The following HACD3 variants were observed in gnomAD, a reference collection of about 807,000 sequenced individuals.
HACD3 encodes very-long-chain (3R)-3-hydroxyacyl-CoA dehydratase 3.
HACD3 carries 30 observed loss-of-function variants against 55.2 expected under a neutral mutation model. The observed-to-expected ratio is 0.54, with a 90% CI of 0.41 to 0.74. The LOEUF (loss-of-function observed/expected upper bound fraction) is 0.74. HACD3 is among the 30% of genes least tolerant of loss of function. HACD3 has a pLI of 0.00. For missense variants in HACD3, 363 were observed against 440.1 expected (o/e 0.82, Z 1.57); for synonymous variants, 141 against 151.7 (o/e 0.93, Z 0.52).
intron 7 of HACD3, chr15:65,565,409 T>A (rs748724503): frequency 6.6e-6 from 1 of 152,280 alleles, no homozygotes; most frequent in South Asian, 2.1e-4. Flanking sequence ...GAGGGCCCCA[T>A]CCCTGCAGCA....
intron 1 of HACD3, among the ~76,000 whole-genome samples, chr15:65,532,527 G>A (rs187293681): frequency 4.6e-5 from 7 of 152,058 alleles, no homozygotes; most frequent in Admixed American, 3.3e-4. Flanking sequence ...GGCTACTCGG[G>A]AGGCTGAGGC....
chr15:65,530,772 C>T (rs1008360926), intron 1 of HACD3, 54 bp downstream of exon 1: 3 of 1,474,272 alleles, frequency 2.0e-6, no homozygotes, highest in African/African-American at 1.4e-5. Context: ...TCCGGGTACC[C>T]GCCAGGACCC....
chr15:65,549,743 G>T (rs559858697), intron 1 of HACD3, among the ~76,000 whole-genome samples: 4 of 152,196 alleles, frequency 2.6e-5, no homozygotes, highest in Non-Finnish European at 1.5e-5. Context: ...CATTCCATCT[G>T]CCTGTCTCCA....
At chr15:65,561,465 C>CA (rs1295006077) in intron 5 of HACD3, among the ~76,000 whole-genome samples, 2,963 of 132,862 alleles carry the variant, frequency 0.022, 114 homozygotes, top group African/African-American at 0.076. Context: ...GACTCTGTCT[C>CA]AAAAAAAAAA....
intron 7 of HACD3, among the ~76,000 whole-genome samples, chr15:65,568,814 A>G (rs978330255): frequency 6.6e-6 from 1 of 152,248 alleles, no homozygotes; most frequent in Non-Finnish European, 1.5e-5. Flanking sequence ...GTATGGTACA[A>G]AGATAGTCAC....
At chr15:65,530,789 C>T (rs527249644) in intron 1 of HACD3, 71 bp downstream of exon 1, 12 of 1,387,372 alleles carry the variant, frequency 8.6e-6, no homozygotes, top group Admixed American at 2.5e-5. Context: ...ACCCCTGCCC[C>T]CTTTGTCCGC....
rs201109258 is a variant in HACD3 at position 65,532,917 on chromosome 15, CAA to C, written c.87+2203_87+2204del. On this transcript the variant is annotated intron_variant, in intron 1 of 10. Transcript: ENST00000261875. The stretch of plus-strand genomic sequence containing the variant: ...TAGAAGGAGGCGTATCATATACAAA[CAA>C]AAAGTTTTGTGTAGGAGTATGTTTA... Among the ~76,000 whole-genome samples the C allele has an allele frequency of 3.1e-3, 468 of 152,256 alleles. 1 individual carries two copies. Among genetic ancestry groups the C allele is most frequent in the African/African-American group, 0.011 (451 of 41,554 alleles).
chr15:65,548,369 C>T (rs1454388414), intron 1 of HACD3, among the ~76,000 whole-genome samples: 2 of 151,856 alleles, frequency 1.3e-5, no homozygotes, highest in Middle Eastern at 3.4e-3. Flanking sequence ...AGATATTAGC[C>T]AGGCATGGTG....
chr15:65,554,197 CA>C (rs1213569007), intron 2 of HACD3, among the ~76,000 whole-genome samples: 2 of 152,126 alleles, frequency 1.3e-5, no homozygotes, highest in African/African-American at 4.8e-5. Flanking sequence ...GATTTAGAGC[CA>C]AAGTAATTGT....
At chr15:65,556,690 C>T in intron 3 of HACD3, 49 bp from the exon 4 acceptor site, 3 of 1,548,428 alleles carry the variant, frequency 1.9e-6, no homozygotes, top group Non-Finnish European at 2.6e-6. Flanking sequence ...CATGGTGCTG[C>T]TTCAGGGAAC....
Position 65,556,902 on chromosome 15 carries a change from A to G in HACD3, c.368A>G (p.Lys123Arg). ...ESDAEMELRA[K>R]EEERLNKLRL... is the part of the protein sequence containing the mutation. Reference sequence around the variant, plus strand: ...GATGCGGAAATGGAGCTCAGAGCTAAGGTTAGTAAGGATCCTAGGATCTAG... The same window carrying G: ...GATGCGGAAATGGAGCTCAGAGCTAGGGTTAGTAAGGATCCTAGGATCTAG... The change falls in exon 4 of 11, where the codon AAG becomes AGG. Residue 123 changes from lysine to arginine, a missense_variant and splice_region_variant. Coordinates refer to ENST00000261875, the MANE Select transcript of HACD3 (RefSeq NM_016395.4). 6.2e-6 allele frequency: 10 copies of G among 1,610,082 alleles called. No homozygotes were observed. The highest frequency in any genetic ancestry group is 8.5e-6 in the Non-Finnish European group (10 of 1,177,938).
In HACD3 at chr15:65,541,217, TAG is replaced by T. The variant is rs1369499594; in HGVS notation, c.88-10458_88-10457del. Among the ~76,000 whole-genome samples the T allele has an allele frequency of 4.6e-5, 7 of 152,182 alleles. No individual in the cohort carries two copies. The East Asian group carries it at 1.3e-3, about 29-fold the overall frequency. ...TAGTCTGGGTGAAAATAGAATTTTA[TAG>T]TATCTTAGACTTAATTGATTGTAAA... On this transcript the variant is annotated intron_variant, in intron 1 of 10. Coordinates refer to ENST00000261875, the MANE Select transcript of HACD3 (RefSeq NM_016395.4).
intron 1 of HACD3, among the ~76,000 whole-genome samples, chr15:65,544,518 T>C (rs185005170): frequency 2.7e-3 from 412 of 152,350 alleles, no homozygotes; most frequent in Non-Finnish European, 4.1e-3. Flanking sequence ...CTAGGAAAAG[T>C]GTACAAGGGA....
intron 3 of HACD3, 66 bp downstream of exon 3, chr15:65,555,026 TG>T: frequency 2.4e-6 from 3 of 1,260,024 alleles, no homozygotes; most frequent in Non-Finnish European, 2.3e-6. Context: ...TTTAGTGAAA[TG>T]GGGAGCAGGG....
At chr15:65,536,023 T>A (rs899175366) in intron 1 of HACD3, among the ~76,000 whole-genome samples, 2 of 151,758 alleles carry the variant, frequency 1.3e-5, no homozygotes, top group Non-Finnish European at 2.9e-5. Flanking sequence ...TATTATTTAT[T>A]TATTTATTTT....
intron 1 of HACD3, among the ~76,000 whole-genome samples, chr15:65,546,982 A>G (rs1047873097): frequency 1.3e-5 from 2 of 152,210 alleles, no homozygotes; most frequent in East Asian, 3.8e-4. Context: ...GTCTGGAGAA[A>G]TCCACGTATA....
chr15:65,555,015 GT>G (rs1405688292), intron 3 of HACD3, 55 bp downstream of exon 3: 2 of 1,358,900 alleles, frequency 1.5e-6, no homozygotes, highest in African/African-American at 1.4e-5. Context: ...AATACCAGTA[GT>G]TTAGTGAAAT....
intron 4 of HACD3, among the ~76,000 whole-genome samples, chr15:65,557,355 G>T (rs1379760444): frequency 2.0e-5 from 3 of 152,092 alleles, no homozygotes; most frequent in African/African-American, 4.8e-5. Flanking sequence ...CATGCCTGTA[G>T]TCGGAGCTGC....
intron 1 of HACD3, among the ~76,000 whole-genome samples, chr15:65,545,017 C>CT (rs2072060615): frequency 2.8e-5 from 4 of 141,060 alleles, no homozygotes; most frequent in East Asian, 2.0e-4. Context: ...GAAATTCTGT[C>CT]TAAAAAAAAA....
Sources: allele counts gnomAD v4.1 joint callset (sites outside exome capture counted in the v4.1 genomes callset), GRCh38; gene constraint gnomAD v4.1.1; transcripts MANE v1.5; gene names NCBI Gene and HGNC (gene_info 2026-07-23, HGNC 2026-07-21).